Variants in WDFY4 observed in about 807,000 individuals in gnomAD.
The protein encoded by WDFY4 is WD repeat- and FYVE domain-containing protein 4.
Under a neutral mutation model 351.9 loss-of-function variants are expected in WDFY4, and 169 were observed. The ratio of observed to expected loss-of-function variants is 0.48; its 90% CI spans 0.42 to 0.55. WDFY4 has a LOEUF of 0.55. WDFY4 is among the 20% of genes least tolerant of loss of function. The probability of loss-of-function intolerance (pLI) is 0.00; values close to 1 mark genes in which losing one functional copy is unlikely to be tolerated. For missense variants in WDFY4, 3,803 were observed against 3,935.6 expected (o/e 0.97, Z 0.90); for synonymous variants, 1,622 against 1,574.6 (o/e 1.03, Z -0.71).
rs118074826 is a variant in WDFY4, at chr10:48,738,426, T to C, written c.1878+2356T>C. ...AGAGCACATAAGGGAAGAACACTGG[T>C]GAGCTTATTTAATGAAGTCATAGCC... On this transcript the variant is annotated intron_variant, in intron 11 of 61. Coordinates refer to ENST00000325239, the MANE Select transcript of WDFY4 (RefSeq NM_001394531.1). Among the ~76,000 whole-genome samples, 279 of 152,322 alleles carry C rather than the reference T, an allele frequency of 1.8e-3. 2 individuals carry two copies. The East Asian group carries it at 0.037, about 20-fold the overall frequency.
chr10:48,939,448 G>A (rs1390550689), intron 47 of WDFY4, among the ~76,000 whole-genome samples: 1 of 152,170 alleles, frequency 6.6e-6, no homozygotes, highest in East Asian at 1.9e-4. Context: ...TTTAAGTGGT[G>A]GAGATAGAAT....
chr10:48,914,292 C>T (rs574714433), intron 47 of WDFY4: 31 of 895,728 alleles, frequency 3.5e-5, no homozygotes, highest in East Asian at 5.2e-5. Context: ...GGCTCCCCCA[C>T]GTCATGACGC....
At chr10:48,949,613 T>C (rs1253882476) in intron 51 of WDFY4, among the ~76,000 whole-genome samples, 1 of 152,090 alleles carries the variant, frequency 6.6e-6, no homozygotes, top group Admixed American at 6.5e-5. Flanking sequence ...ACTCCCAACC[T>C]GGGGTAGATG....
chr10:48,760,421 A>G lies in WDFY4; in HGVS notation c.2534A>G (p.Tyr845Cys). 1.3e-6 allele frequency: 2 copies of G among 1,551,610 alleles called. No individual in the cohort carries two copies. Among genetic ancestry groups the G allele is most frequent in the East Asian group, 2.4e-5 (1 of 40,918 alleles). ...ATGGTGAGGCTGCTGCCTCGGTTGTACCATGAAGATCACCCACAGGTACCT... is the reference window on the plus strand; with the variant it reads ...ATGGTGAGGCTGCTGCCTCGGTTGTGCCATGAAGATCACCCACAGGTACCT... ...CIMVRLLPRL[Y>C]HEDHPQLSEE... The change falls in exon 13 of 62, where the codon TAC becomes TGC. Residue 845 changes from tyrosine (Y) to cysteine (C), a missense_variant. Physicochemically the swap from Tyr to Cys is radical, Grantham distance 194 (BLOSUM62 -2). Transcript: ENST00000325239.
chr10:48,824,272 G>A (rs750984879), intron 35 of WDFY4: 20 of 817,888 alleles, frequency 2.4e-5, no homozygotes, highest in Non-Finnish European at 3.0e-5. Context: ...TCCGTACAGT[G>A]GGGTAACTTA....
chr10:48,761,415 GT>G (rs1267833394), intron 13 of WDFY4, among the ~76,000 whole-genome samples: 1 of 152,314 alleles, frequency 6.6e-6, no homozygotes, highest in African/African-American at 2.4e-5. Flanking sequence ...AGGGGCAAGA[GT>G]TAGGAGTCTC....
At chr10:48,731,084 A>T in intron 8 of WDFY4, 26 bp from the exon 9 acceptor site, 1 of 1,495,962 alleles carries the variant, frequency 6.7e-7, no homozygotes, top group Non-Finnish European at 8.9e-7. Flanking sequence ...AATGACTTGT[A>T]AGATCATTCT....
In WDFY4 at chr10:48,902,836, G is replaced by A. The variant is rs149697695; in HGVS notation, c.7586+973G>A. Among the ~76,000 whole-genome samples the A allele has an allele frequency of 3.0e-4, 46 of 152,236 alleles. No homozygotes were observed. In the East Asian group the frequency reaches 5.6e-3, roughly 19 times the overall value. On this transcript the variant is annotated intron_variant, in intron 47 of 61. Transcript: ENST00000325239. ...TCTTTGAATTAATACTTGGCCGGGC[G>A]TGGTGGCTCACTCCTGTAATCTCAG...
chr10:48,778,398 C>A (rs2066106167), intron 17 of WDFY4, among the ~76,000 whole-genome samples: 1 of 152,230 alleles, frequency 6.6e-6, no homozygotes, highest in South Asian at 2.1e-4. Flanking sequence ...ATCAGCTGAC[C>A]AGGAGCCCAC....
At chr10:48,847,758 C>A (rs2133156100) in intron 39 of WDFY4, among the ~76,000 whole-genome samples, 1 of 152,290 alleles carries the variant, frequency 6.6e-6, no homozygotes, top group South Asian at 2.1e-4. Flanking sequence ...TTGTCTTTTG[C>A]TATACCAGTG....
intron 12 of WDFY4, among the ~76,000 whole-genome samples, chr10:48,749,051 A>G (rs149839893): frequency 6.6e-6 from 1 of 152,172 alleles, no homozygotes; most frequent in Non-Finnish European, 1.5e-5. Flanking sequence ...TAGTATCTAC[A>G]TTGAGGGAAG....
chr10:48,814,931 C>T (rs183156023), intron 31 of WDFY4, among the ~76,000 whole-genome samples: 51 of 152,252 alleles, frequency 3.3e-4, no homozygotes, highest in African/African-American at 1.2e-3. Flanking sequence ...TATTTGTGGA[C>T]CTCTTCTCAT....
intron 42 of WDFY4, among the ~76,000 whole-genome samples, chr10:48,875,346 G>T (rs1262162186): frequency 3.3e-5 from 5 of 152,246 alleles, no homozygotes; most frequent in African/African-American, 7.2e-5. Context: ...TTCTATTAAG[G>T]TTGCAACAAT....
intron 47 of WDFY4, among the ~76,000 whole-genome samples, chr10:48,912,001 G>C (rs1298769008): frequency 6.6e-6 from 1 of 152,176 alleles, no homozygotes; most frequent in Non-Finnish European, 1.5e-5. Context: ...GATGCCTCTT[G>C]GTGCTTCTCA....
In WDFY4 at chr10:48,873,581, G is replaced by A. The variant is rs758422350; in HGVS notation, c.6832G>A (p.Glu2278Lys). ...FGELGLWSQG[E>K]ETKPCSPWEL... Reference sequence around the variant, plus strand: ...GGAGCTGGGCTTGTGGAGCCAGGGGGAAGAAACCAAGCCCTGTTCCCCATG... The same window carrying A: ...GGAGCTGGGCTTGTGGAGCCAGGGGAAAGAAACCAAGCCCTGTTCCCCATG... The change falls in exon 41 of 62, where the codon GAA becomes AAA. Residue 2278 changes from glutamate to lysine, a missense_variant. Glu to Lys is a moderately conservative substitution (Grantham distance 56, BLOSUM62 1). Coordinates refer to ENST00000325239, the MANE Select transcript of WDFY4 (RefSeq NM_001394531.1). The A allele has an allele frequency of 9.0e-6, 14 of 1,551,636 alleles. No individual in the cohort carries two copies. The Admixed American group carries it at 1.2e-4, about 13-fold the overall frequency.
At chr10:48,825,391 G>C (rs1026619255) in intron 35 of WDFY4, among the ~76,000 whole-genome samples, 2 of 152,020 alleles carry the variant, frequency 1.3e-5, no homozygotes, top group African/African-American at 4.8e-5. Context: ...CCATGTCTTT[G>C]CTATTGTGAA....
At chr10:48,901,546 C>T (rs1440657510) in intron 46 of WDFY4, among the ~76,000 whole-genome samples, 2 of 152,218 alleles carry the variant, frequency 1.3e-5, no homozygotes, top group Admixed American at 1.3e-4. Flanking sequence ...GAGGCGGTAC[C>T]TCACACACAC....
intron 23 of WDFY4, among the ~76,000 whole-genome samples, chr10:48,793,257 G>A (rs937456833): frequency 1.2e-4 from 18 of 152,296 alleles, no homozygotes; most frequent in South Asian, 4.1e-4. Flanking sequence ...TAGCATGAGG[G>A]AGAGTCTCTC....
At chr10:48,787,938 T>TCTTCTTCTTCTTCTC (rs2066521271) in intron 20 of WDFY4, among the ~76,000 whole-genome samples, 3 of 100,526 alleles carry the variant, frequency 3.0e-5, no homozygotes, top group South Asian at 3.7e-4. Flanking sequence ...TTCTTCTTCT[T>TCTTCTTCTTCTTCTC]CTTCTTCTTC....
Sources: gnomAD v4.1 joint callset for allele counts (sites outside exome capture counted in the v4.1 genomes callset) on GRCh38, gnomAD v4.1.1 for gene constraint, MANE v1.5 for transcripts, NCBI Gene and HGNC (gene_info 2026-07-23, HGNC 2026-07-21) for gene names.